The following AGMO variants were observed in gnomAD, a reference collection of about 807,000 sequenced individuals.
The protein encoded by AGMO is glyceryl-ether monooxygenase.
In AGMO, 75 loss-of-function variants were observed where a neutral mutation model predicts 60.2. That is an observed-to-expected ratio of 1.25 (90% CI 1.03 to 1.51). AGMO has a LOEUF of 1.51. AGMO is among the 40% of genes most tolerant of loss of function. The pLI, the probability that AGMO is intolerant of heterozygous loss-of-function variation, is 0.00. For missense variants in AGMO, 763 were observed against 525.5 expected, an observed-to-expected ratio of 1.45 and a Z score of -4.42; for synonymous variants, 261 against 177.1, an observed-to-expected ratio of 1.47 and a Z score of -3.76.
At chr7:15,531,347 CTAT>C (rs1784337860) in intron 3 of AGMO, among the ~76,000 whole-genome samples, 2 of 51,246 alleles carry the variant, frequency 3.9e-5, no homozygotes, top group East Asian at 5.8e-4. Flanking sequence ...TATATATATT[CTAT>C]ATATATTCTA....
intron 12 of AGMO, among the ~76,000 whole-genome samples, chr7:15,310,194 T>C (rs1225879591): frequency 6.6e-6 from 1 of 152,186 alleles, no homozygotes; most frequent in African/African-American, 2.4e-5. Flanking sequence ...AATAATTTGA[T>C]TCAGTAATGT....
chr7:15,309,923 C>G (rs965874521), intron 12 of AGMO, among the ~76,000 whole-genome samples: 20 of 152,150 alleles, frequency 1.3e-4, no homozygotes, highest in African/African-American at 3.4e-4. Context: ...CCAATATCAT[C>G]TTTGCAGGTT....
At chr7:15,370,208 T>C (rs1051261850) in intron 10 of AGMO, among the ~76,000 whole-genome samples, 3 of 152,192 alleles carry the variant, frequency 2.0e-5, no homozygotes, top group African/African-American at 7.2e-5. Context: ...TCCAGCTGCA[T>C]TCACGTTGCT....
chr7:15,275,969 G>C (rs1340445943), intron 12 of AGMO, among the ~76,000 whole-genome samples: 3 of 151,936 alleles, frequency 2.0e-5, no homozygotes, highest in African/African-American at 7.2e-5. Context: ...GTTGGGTCTT[G>C]TTTAGTCCAA....
intron 8 of AGMO, among the ~76,000 whole-genome samples, chr7:15,390,313 G>T (rs1039057034): frequency 6.6e-6 from 1 of 152,138 alleles, no homozygotes; most frequent in Admixed American, 6.6e-5. Flanking sequence ...ATGCACCCTG[G>T]AAGCAAATAT....
At chr7:15,489,773 G>A (rs1783022271) in intron 3 of AGMO, among the ~76,000 whole-genome samples, 1 of 152,096 alleles carries the variant, frequency 6.6e-6, no homozygotes, top group Admixed American at 6.6e-5. Context: ...CTAAGCTAAT[G>A]CCTAGGTCAG....
chr7:15,257,615 C>T (rs1410465223), intron 12 of AGMO, among the ~76,000 whole-genome samples: 3 of 152,120 alleles, frequency 2.0e-5, no homozygotes, highest in African/African-American at 7.2e-5. Flanking sequence ...AATAAATTCT[C>T]ACAAAAAATC....
chr7:15,417,523 A>G (rs1780806393), intron 5 of AGMO, among the ~76,000 whole-genome samples: 1 of 152,170 alleles, frequency 6.6e-6, no homozygotes, highest in African/African-American at 2.4e-5. Flanking sequence ...ACTGATTTAA[A>G]CAAATTTGGT....
chr7:15,223,368 A>G (rs1781980417), intron 12 of AGMO, among the ~76,000 whole-genome samples: 1 of 151,966 alleles, frequency 6.6e-6, no homozygotes, highest in Non-Finnish European at 1.5e-5. Context: ...ATATCATTGC[A>G]TTATATTGAA....
At chr7:15,213,587 T>A (rs1422049608) in intron 12 of AGMO, among the ~76,000 whole-genome samples, 1 of 151,848 alleles carries the variant, frequency 6.6e-6, no homozygotes, top group Non-Finnish European at 1.5e-5. Context: ...AATCCTTTTA[T>A]AAAAGCATCC....
the AGMO span, among the ~76,000 whole-genome samples, chr7:15,177,211 C>T: frequency 6.6e-6 from 1 of 151,926 alleles, no homozygotes; most frequent in Non-Finnish European, 1.5e-5. Flanking sequence ...GAGATGAAGT[C>T]TTTGCATTTG....
intron 10 of AGMO, among the ~76,000 whole-genome samples, chr7:15,372,419 G>A (rs961856684): frequency 6.6e-6 from 1 of 152,132 alleles, no homozygotes; most frequent in Non-Finnish European, 1.5e-5. Flanking sequence ...TCATGCCATT[G>A]CACTCCAGCC....
At chr7:15,202,641 A>T (rs1274041756) in intron 12 of AGMO, among the ~76,000 whole-genome samples, 1 of 152,150 alleles carries the variant, frequency 6.6e-6, no homozygotes, top group Non-Finnish European at 1.5e-5. Context: ...TAACACCCAC[A>T]ATATGAAAAA....
chr7:15,354,427 C>G (rs1464072240), intron 12 of AGMO, among the ~76,000 whole-genome samples: 15 of 24,046 alleles, frequency 6.2e-4, no homozygotes, highest in African/African-American at 3.7e-3. Context: ...TGTATACACA[C>G]ACGTGTGTGT....
rs1193799784 is a variant in AGMO, at chr7:15,473,936, G to T, written c.410-42828C>A. On this transcript the variant is annotated intron_variant, in intron 3 of 12. Transcript: ENST00000342526. ...TCAATCAGAGAGCTAAATCAAGAGT[G>T]AGCTTCCATTCACAATTGTTACAAA... is the stretch of plus-strand genomic sequence containing the variant. Among the ~76,000 whole-genome samples, 4 of 152,000 alleles carry T rather than the reference G, an allele frequency of 2.6e-5. No homozygotes were observed. In the South Asian group the frequency reaches 6.2e-4, roughly 24 times the overall value.
At chr7:15,317,842 C>T (rs1583400172) in intron 12 of AGMO, among the ~76,000 whole-genome samples, 1 of 145,240 alleles carries the variant, frequency 6.9e-6, no homozygotes, top group African/African-American at 2.5e-5. Context: ...ATATTTTTGT[C>T]ATATATATAT....
chr7:15,396,732 A>AGAGAGCTGATTGGTCCACTTTACG (rs1784405594), intron 5 of AGMO: 4 of 149,438 alleles, frequency 2.7e-5, no homozygotes, highest in African/African-American at 1.0e-4. Flanking sequence ...TCCACTTTAC[A>AGAGAGCTGATTGGTCCACTTTACG]GAGAGCTGAT....
intron 3 of AGMO, among the ~76,000 whole-genome samples, chr7:15,459,161 G>C (rs1376173323): frequency 6.6e-6 from 1 of 152,012 alleles, no homozygotes; most frequent in Non-Finnish European, 1.5e-5. Flanking sequence ...AGTTCAAGCT[G>C]TGTCTATGCA....
chr7:15,431,489 G>A (rs1781238932), intron 3 of AGMO, among the ~76,000 whole-genome samples: 1 of 151,786 alleles, frequency 6.6e-6, no homozygotes, highest in South Asian at 2.1e-4. Flanking sequence ...TTCAGCGTGT[G>A]ATAACATGTT....
Sources: gnomAD v4.1 joint callset for allele counts (sites outside exome capture counted in the v4.1 genomes callset) on GRCh38, gnomAD v4.1.1 for gene constraint, MANE v1.5 for transcripts, NCBI Gene and HGNC (gene_info 2026-07-23, HGNC 2026-07-21) for gene names.